Variants in MACROD2 observed in about 807,000 individuals in gnomAD.
MACROD2 encodes mono-ADP ribosylhydrolase 2.
In MACROD2, 36 loss-of-function variants were observed where a neutral mutation model predicts 70.4. The ratio of observed to expected loss-of-function variants is 0.51; its 90% confidence interval spans 0.39 to 0.68. The LOEUF is 0.68. Among genes scored for constraint, MACROD2 ranks in the 30% least tolerant of loss-of-function variants. MACROD2 has a pLI of 0.00. For missense variants in MACROD2, 496 were observed against 538.4 expected (o/e 0.92, Z 0.78); for synonymous variants, 172 against 178.8 (o/e 0.96, Z 0.30).
intron 5 of MACROD2, among the ~76,000 whole-genome samples, chr20:14,699,754 C>T (rs2071170445): frequency 6.6e-6 from 1 of 151,746 alleles, no homozygotes; most frequent in Non-Finnish European, 1.5e-5. Context: ...TATCACAGAA[C>T]TTTAAATCTA....
intron 5 of MACROD2, among the ~76,000 whole-genome samples, chr20:15,064,976 A>G (rs114110600): frequency 2.8e-4 from 42 of 152,318 alleles, no homozygotes; most frequent in African/African-American, 9.4e-4. Context: ...TGTGCACACC[A>G]TATGAATAGC....
chr20:14,419,054 T>TG (rs1243535483), intron 3 of MACROD2, among the ~76,000 whole-genome samples: 5 of 142,726 alleles, frequency 3.5e-5, no homozygotes, highest in East Asian at 2.1e-4. Flanking sequence ...ATTTTTTTTG[T>TG]TTTGTTTTTT....
intron 5 of MACROD2, among the ~76,000 whole-genome samples, chr20:15,072,179 A>C (rs1488441391): frequency 1.3e-5 from 2 of 152,150 alleles, no homozygotes; most frequent in Non-Finnish European, 2.9e-5. Context: ...TGTTTCAGAG[A>C]CTAAGTATAC....
chr20:14,549,769 C>T (rs1251639318), intron 4 of MACROD2, among the ~76,000 whole-genome samples: 2 of 151,970 alleles, frequency 1.3e-5, no homozygotes, highest in Non-Finnish European at 2.9e-5. Flanking sequence ...GTGATCTTTG[C>T]CCTTGAAAAA....
chr20:14,444,727 A>G (rs1342952888), intron 3 of MACROD2, among the ~76,000 whole-genome samples: 3 of 152,012 alleles, frequency 2.0e-5, no homozygotes, highest in South Asian at 2.1e-4. Context: ...TTCTGTGGCC[A>G]TCACCGTCTC....
At chr20:15,542,928 C>A (rs544399131) in intron 8 of MACROD2, among the ~76,000 whole-genome samples, 2 of 152,140 alleles carry the variant, frequency 1.3e-5, no homozygotes, top group Admixed American at 6.5e-5. Flanking sequence ...ATGGCTCTTC[C>A]GAGTCTACCC....
chr20:14,538,972 C>T (rs749997547), intron 4 of MACROD2, among the ~76,000 whole-genome samples: 7 of 152,114 alleles, frequency 4.6e-5, no homozygotes, highest in Non-Finnish European at 1.0e-4. Flanking sequence ...CTGGTGTGTC[C>T]CTAGTGCCTA....
At chr20:15,451,684 A>C (rs1239292616) in intron 7 of MACROD2, among the ~76,000 whole-genome samples, 1 of 152,130 alleles carries the variant, frequency 6.6e-6, no homozygotes, top group Non-Finnish European at 1.5e-5. Context: ...CCTACACAGC[A>C]GGAAAGAAAA....
In MACROD2 at chr20:14,551,038, AT is replaced by A. The variant is rs538639167; in HGVS notation, c.301+57539del. ...ATTCAAGTTGGAGAGGGAAATTATGATTTTTTTTTCCTTTTTCAATGAATGT... is the reference window on the plus strand; with the variant it reads ...ATTCAAGTTGGAGAGGGAAATTATGATTTTTTTTCCTTTTTCAATGAATGT... On this transcript the variant is annotated intron_variant, in intron 4 of 17. Transcript: ENST00000684519. Among the ~76,000 whole-genome samples, 32 of 151,330 alleles carry A rather than the reference AT, an allele frequency of 2.1e-4. 1 individual carries two copies. Among genetic ancestry groups the A allele is most frequent in the Admixed American group, 2.6e-4 (4 of 15,182 alleles).
intron 3 of MACROD2, among the ~76,000 whole-genome samples, chr20:14,230,134 C>G (rs1392622243): frequency 1.3e-5 from 2 of 152,086 alleles, no homozygotes; most frequent in African/African-American, 2.4e-5. Flanking sequence ...CATTGTTGAT[C>G]AGGGTGATGG....
intron 12 of MACROD2, among the ~76,000 whole-genome samples, chr20:15,960,256 C>T (rs1269077401): frequency 1.3e-5 from 2 of 152,184 alleles, no homozygotes; most frequent in African/African-American, 4.8e-5. Context: ...CATCTGTGAC[C>T]CAGCTACTAG....
rs6110331 is a variant in MACROD2, at chr20:14,563,447, T to C, written c.301+69939T>C. On this transcript the variant is annotated intron_variant, in intron 4 of 17. Coordinates refer to ENST00000684519, the MANE Select transcript of MACROD2 (RefSeq NM_001351661.2). ...TACATATCTATTAGAGTGGCTAAGA[T>C]TGAAATATGCTGACAGTACCAAAGT... Among the ~76,000 whole-genome samples the C allele has an allele frequency of 1.4e-3, 207 of 152,088 alleles. 1 individual carries two copies. Among genetic ancestry groups the C allele is most frequent in the African/African-American group, 4.5e-3 (188 of 41,536 alleles).
chr20:14,518,567 T>A (rs1319637598), intron 4 of MACROD2, among the ~76,000 whole-genome samples: 2 of 152,186 alleles, frequency 1.3e-5, no homozygotes, highest in Non-Finnish European at 2.9e-5. Context: ...AGAGTTTTAT[T>A]ACAGATGGCT....
chr20:14,254,328 A>G (rs1328108296), intron 3 of MACROD2, among the ~76,000 whole-genome samples: 1 of 152,052 alleles, frequency 6.6e-6, no homozygotes, highest in East Asian at 1.9e-4. Flanking sequence ...AAGAACTGCT[A>G]AGAATATACA....
chr20:14,067,605 C>G (rs1251258608), intron 2 of MACROD2, among the ~76,000 whole-genome samples: 3 of 152,186 alleles, frequency 2.0e-5, no homozygotes, highest in Non-Finnish European at 4.4e-5. Flanking sequence ...TAGACTGAGT[C>G]ATACTGTGTA....
chr20:14,561,317 CT>C (rs1199251797), intron 4 of MACROD2, among the ~76,000 whole-genome samples: 2 of 151,538 alleles, frequency 1.3e-5, no homozygotes, highest in Admixed American at 1.3e-4. Flanking sequence ...TTTTAAATGT[CT>C]TGATTTTTGA....
rs533386727 is a variant in MACROD2, at chr20:14,656,732, T to C, written c.302-28111T>C. ...AGACCAGTGACTATTCCAGTTGATA[T>C]GAAAGATGTCATTACTCTGGGGGTT... On this transcript the variant is annotated intron_variant, in intron 4 of 17. Coordinates refer to ENST00000684519, the MANE Select transcript of MACROD2 (RefSeq NM_001351661.2). 1.2e-4 allele frequency among the ~76,000 whole-genome samples: 18 copies of C among 152,334 alleles called. No homozygotes were observed. The South Asian group carries it at 3.5e-3, about 30-fold the overall frequency.
intron 15 of MACROD2, among the ~76,000 whole-genome samples, chr20:16,000,422 A>G (rs534140762): frequency 8.6e-4 from 131 of 152,248 alleles, no homozygotes; most frequent in Non-Finnish European, 1.3e-3. Flanking sequence ...GCCTCCCTTA[A>G]AGGGGCCCCA....
At chr20:14,213,590 G>T (rs1477142810) in intron 3 of MACROD2, among the ~76,000 whole-genome samples, 1 of 151,684 alleles carries the variant, frequency 6.6e-6, no homozygotes, top group Non-Finnish European at 1.5e-5. Context: ...AATCTTACCG[G>T]GATATAGCTT....
Sources: gnomAD v4.1 joint callset for allele counts (sites outside exome capture counted in the v4.1 genomes callset) on GRCh38, gnomAD v4.1.1 for gene constraint, MANE v1.5 for transcripts, NCBI Gene and HGNC (gene_info 2026-07-23, HGNC 2026-07-21) for gene names.